The following DOK2 variants were observed in gnomAD, a reference collection of about 807,000 sequenced individuals.
The protein encoded by DOK2 is docking protein 2, also known as docking protein 2, 56kD.
DOK2 carries 28 observed loss-of-function variants against 26.0 expected under a neutral mutation model. That is an observed-to-expected ratio of 1.08 (90% CI 0.80 to 1.48). The LOEUF is 1.48. DOK2 is among the 40% of genes most tolerant of loss of function. DOK2 has a pLI of 0.00. For missense variants in DOK2, 682 were observed against 558.2 expected (o/e 1.22, Z -2.23); for synonymous variants, 282 against 236.9 (o/e 1.19, Z -1.75).
At position 21,909,129 on chromosome 8, in the gene DOK2, C is replaced by T; in HGVS notation, c.*182G>A. On this transcript the variant is annotated 3_prime_UTR_variant, in exon 5 of 5. Transcript: ENST00000276420. ...AGGAGGGTGGTTCTCTCCAGGGCAC[C>T]CTTCCTGCTTTGGGATGGTGACTCA... is the stretch of plus-strand genomic sequence containing the variant. 1 of 655,480 alleles carries T rather than the reference C, an allele frequency of 1.5e-6. No homozygotes were observed. The highest frequency in any genetic ancestry group is 2.8e-5 in the Admixed American group (1 of 35,716). The allele number at this position is 655,480 out of a possible 1,614,324, so 40.6% of individuals were successfully genotyped here.
chr8:21,909,925 A>T lies in DOK2; in HGVS notation c.625T>A (p.Phe209Ile). 1 of 1,607,674 alleles carries T rather than the reference A, an allele frequency of 6.2e-7. No individual in the cohort carries two copies. The highest frequency in any genetic ancestry group is 8.5e-7 in the Non-Finnish European group (1 of 1,178,390). Reference protein sequence around the residue: ...LRRFGRDKVTFSFEAGRRCVS... With the variant: ...LRRFGRDKVTISFEAGRRCVS... ...CAGCGACGGCCTGCCTCAAAGGAAA[A>T]GGTTACCTGGACCAGGGAGAAAGCA... Residue 209 changes from phenylalanine (F) to isoleucine (I), a missense_variant, in exon 5 of 5, where the codon TTT becomes ATT. By Grantham distance (21) the Phe-to-Ile change is conservative (BLOSUM62 0). Coordinates refer to ENST00000276420, the MANE Select transcript of DOK2 (RefSeq NM_003974.4).
In DOK2 at chr8:21,908,920, AAG is replaced by A. The variant is rs1809701536; in HGVS notation, c.*389_*390del. On this transcript the variant is annotated 3_prime_UTR_variant, in exon 5 of 5. Transcript: ENST00000276420. ...CACCAAGAAATCTGAAAGGTGCAGG[AAG>A]CTGCCGCCATCCCCCTGGGTGCCTG... The A allele has an allele frequency of 5.8e-6, 1 of 172,928 alleles. No homozygotes were observed. The highest frequency in any genetic ancestry group is 1.2e-5 in the Non-Finnish European group (1 of 82,132). 10.7% of individuals were successfully genotyped at this position (172,928 alleles called of 1,614,324 possible).
In DOK2 at chr8:21,913,616, G is replaced by A. The variant is rs191081844; in HGVS notation, c.-15C>T. On this transcript the variant is annotated 5_prime_UTR_variant, in exon 1 of 5. Coordinates refer to ENST00000276420, the MANE Select transcript of DOK2 (RefSeq NM_003974.4). ...CCGTCTCCCATCCTCTGACCATCTC[G>A]GAGCCCCAGGCTTCAGCTCTCTCCT... The A allele has an allele frequency of 1.4e-5, 23 of 1,613,552 alleles. No homozygotes were observed. Among genetic ancestry groups the A allele is most frequent in the Admixed American group, 6.7e-5 (4 of 59,948 alleles).
Position 21,913,604 on chromosome 8 carries a change from T to G in DOK2, c.-3A>C, listed in dbSNP as rs1809942379. On this transcript the variant is annotated 5_prime_UTR_variant, in exon 1 of 5. Transcript: ENST00000276420. ...TGTTTCACTGCCCCGTCTCCCATCC[T>G]CTGACCATCTCGGAGCCCCAGGCTT... 2.5e-6 allele frequency: 4 copies of G among 1,613,942 alleles called. No homozygotes were observed. Among genetic ancestry groups the G allele is most frequent in the Non-Finnish European group, 3.4e-6 (4 of 1,179,996 alleles).
intron 3 of DOK2, 47 bp downstream of exon 3, chr8:21,911,854 C>G: frequency 1.3e-6 from 2 of 1,534,658 alleles, no homozygotes; most frequent in Admixed American, 2.1e-5. Flanking sequence ...CCACCTCACC[C>G]TGGGGAGAGC....
At position 21,909,451 on chromosome 8, in the gene DOK2, C is replaced by T. The variant is rs1295974858; in HGVS notation, c.1099G>A (p.Ala367Thr). 6.2e-7 allele frequency: 1 copy of T among 1,613,424 alleles called. No individual in the cohort carries two copies. Among genetic ancestry groups the T allele is most frequent in the South Asian group, 1.1e-5 (1 of 91,044 alleles). Residue 367 changes from alanine to threonine, a missense_variant, in exon 5 of 5, where the codon GCA (alanine) becomes ACA (threonine). Ala to Thr is a moderately conservative substitution (Grantham distance 58). Transcript: ENST00000276420. ...YDSPQEPRGE[A>T]WRRQATADRD... Reference sequence around the variant, plus strand: ...TCAGCTGTCGCCTGCCTCCTCCATGCCTCACCCCGGGGCTCCTGCGGGCTG... The same window carrying T: ...TCAGCTGTCGCCTGCCTCCTCCATGTCTCACCCCGGGGCTCCTGCGGGCTG...
rs1442176833 is a variant in DOK2, at chr8:21,909,652, C to A, written c.898G>T (p.Ala300Ser). The change falls in exon 5 of 5, where the codon GCC (alanine) becomes TCC (serine). Residue 300 changes from alanine (A) to serine (S), a missense_variant. Transcript: ENST00000276420. ...PRPRGQEGEY[A>S]VPFDAVARSL... ...CGGGCCACCGCATCGAAGGGCACGG[C>A]ATACTCCCCCTCCTGGCCCCGAGGC... 11 of 1,613,076 alleles carry A rather than the reference C, an allele frequency of 6.8e-6. No homozygotes were observed. Among genetic ancestry groups the A allele is most frequent in the Non-Finnish European group, 8.5e-6 (10 of 1,180,044 alleles).
At chr8:21,911,199 CG>C (rs1451085908) in intron 3 of DOK2, 2 of 267,240 alleles carry the variant, frequency 7.5e-6, no homozygotes, top group Non-Finnish European at 1.4e-5. Context: ...CTAGTCCCTA[CG>C]GTCACAGCTG....
In DOK2 at chr8:21,909,411, C is replaced by A; in HGVS notation, c.1139G>T (p.Gly380Val). 6.2e-7 allele frequency: 1 copy of A among 1,610,522 alleles called. No individual in the cohort carries two copies. Among genetic ancestry groups the A allele is most frequent in the Non-Finnish European group, 8.5e-7 (1 of 1,177,874 alleles). ...CCCGGCTGGCTGGACATGCTGGAGGCCAGCAGGGTCCCTGTCAGCTGTCGC... is the reference window on the plus strand; with the variant it reads ...CCCGGCTGGCTGGACATGCTGGAGGACAGCAGGGTCCCTGTCAGCTGTCGC... ...RQATADRDPA[G>V]LQHVQPAGQD... The change falls in exon 5 of 5, where the codon GGC becomes GTC. Residue 380 changes from glycine (G) to valine (V), a missense_variant. Coordinates refer to ENST00000276420, the MANE Select transcript of DOK2 (RefSeq NM_003974.4).
intron 4 of DOK2, 74 bp from the exon 5 acceptor site, chr8:21,910,005 CAG>C (rs1809776804): frequency 7.1e-7 from 1 of 1,410,328 alleles, no homozygotes; most frequent in Non-Finnish European, 9.4e-7. Flanking sequence ...TTTTTGGAGA[CAG>C]AGTCTCACTG....
In DOK2 at chr8:21,909,987, T is replaced by C. The variant is rs1468133081; in HGVS notation, c.619-56A>G. The C allele has an allele frequency of 4.0e-6, 6 of 1,494,910 alleles. No individual in the cohort carries two copies. The East Asian group carries it at 1.4e-4, about 35-fold the overall frequency. The allele number at this position is 1,494,910 out of a possible 1,614,324, so 92.6% of individuals were successfully genotyped here. ...AGGCCACAGGGCAGGGGTGCATTTT[T>C]TTTTTTTTTTTTGGAGACAGAGTCT... On this transcript the variant is annotated intron_variant, in intron 4 of 4. Transcript: ENST00000276420.
Position 21,913,591 on chromosome 8 carries a change from C to A in DOK2, c.11G>T (p.Gly4Val), listed in dbSNP as rs771627811. 6 of 1,613,982 alleles carry A rather than the reference C, an allele frequency of 3.7e-6. No individual in the cohort carries two copies. In the African/African-American group the frequency reaches 8.0e-5, roughly 22 times the overall value. MGDGAVKQGFLYLQ... is the reference protein window; with the variant it reads MGDVAVKQGFLYLQ... ...ATACAAGAAGCCTTGTTTCACTGCCCCGTCTCCCATCCTCTGACCATCTCG... is the reference window on the plus strand; with the variant it reads ...ATACAAGAAGCCTTGTTTCACTGCCACGTCTCCCATCCTCTGACCATCTCG... The change falls in exon 1 of 5, where the codon GGG (glycine) becomes GTG (valine). Residue 4 changes from glycine to valine, a missense_variant. By Grantham distance (109) the Gly-to-Val change is moderately radical. Transcript: ENST00000276420.
Position 21,912,235 on chromosome 8 carries a change from G to A in DOK2, c.339C>T (p.Ala113=), listed in dbSNP as rs1236713155. The part of the protein sequence containing the change: ...GDWVQAICLL[A]FPGQRKELSG... ...CGCACCCCGCGCGACTCACGGGGAA[G>A]GCCAGGAGGCAGATGGCCTGCACCC... The change falls in exon 2 of 5, where the codon GCC becomes GCT. Residue 113 remains alanine (A), a synonymous_variant. Transcript: ENST00000276420. 4.5e-6 allele frequency: 7 copies of A among 1,562,190 alleles called. No individual in the cohort carries two copies. The African/African-American group carries it at 5.4e-5, about 12-fold the overall frequency.
At chr8:21,911,159 C>A in intron 3 of DOK2, 1 of 392,708 alleles carries the variant, frequency 2.5e-6, no homozygotes, top group South Asian at 3.5e-5. Flanking sequence ...TCTTCCCCAC[C>A]CCATCTCTCA....
At position 21,909,731 on chromosome 8, in the gene DOK2, C is replaced by T; in HGVS notation, c.819G>A (p.Arg273=). 1 of 1,613,612 alleles carries T rather than the reference C, an allele frequency of 6.2e-7. No homozygotes were observed. The highest frequency in any genetic ancestry group is 2.2e-5 in the East Asian group (1 of 44,870). ...SLPRPDSPYS[R]PHDSLPPPSP... is the part of the protein sequence containing the mutation. Reference sequence around the variant, plus strand: ...AAGGCGGCGGCAGTGAGTCATGCGGCCGAGAGTAGGGGCTATCAGGCCGGG... The same window carrying T: ...AAGGCGGCGGCAGTGAGTCATGCGGTCGAGAGTAGGGGCTATCAGGCCGGG... Residue 273 remains arginine, a synonymous_variant, in exon 5 of 5, where the codon CGG becomes CGA. Transcript: ENST00000276420.
chr8:21,910,261 C>T (rs919569754), intron 4 of DOK2, among the ~76,000 whole-genome samples: 2 of 152,012 alleles, frequency 1.3e-5, no homozygotes, highest in Non-Finnish European at 2.9e-5. Context: ...ATTACAGGCA[C>T]GAGCCACCGC....
chr8:21,913,442 C>T (rs1442783667), intron 1 of DOK2, 97 bp downstream of exon 1: 22 of 1,458,738 alleles, frequency 1.5e-5, no homozygotes, highest in Non-Finnish European at 1.9e-5. Context: ...CACAGTCAGA[C>T]CTATAAGGGT....
intron 1 of DOK2, 181 bp from the exon 2 acceptor site, chr8:21,912,691 A>C: frequency 1.6e-6 from 1 of 628,360 alleles, no homozygotes; most frequent in East Asian, 3.0e-5. Context: ...TGACTGCAGG[A>C]ATTAGAAAAT....
In DOK2 at chr8:21,909,921, G is replaced by A. The variant is rs1234596300; in HGVS notation, c.629C>T (p.Ser210Phe). The change falls in exon 5 of 5, where the codon TCC (serine) becomes TTC (phenylalanine). Residue 210 changes from serine to phenylalanine, a missense_variant. By Grantham distance (155) the Ser-to-Phe change is radical. Coordinates refer to ENST00000276420, the MANE Select transcript of DOK2 (RefSeq NM_003974.4). ...GACGCAGCGACGGCCTGCCTCAAAG[G>A]AAAAGGTTACCTGGACCAGGGAGAA... The part of the protein sequence containing the change: ...RRFGRDKVTF[S>F]FEAGRRCVSG... 1.2e-6 allele frequency: 2 copies of A among 1,609,190 alleles called. No individual in the cohort carries two copies. Among genetic ancestry groups the A allele is most frequent in the Non-Finnish European group, 1.7e-6 (2 of 1,178,974 alleles).
Sources: gnomAD v4.1 joint callset for allele counts (sites outside exome capture counted in the v4.1 genomes callset) on GRCh38, gnomAD v4.1.1 for gene constraint, MANE v1.5 for transcripts, NCBI Gene and HGNC (gene_info 2026-07-23, HGNC 2026-07-21) for gene names.